TRPM3: variants seen among roughly 807,000 people sequenced by gnomAD.
TRPM3 encodes the protein long transient receptor potential channel 3.
A neutral mutation model predicts 181.2 loss-of-function variants in TRPM3; 77 were observed. That is an observed-to-expected ratio of 0.42 (90% CI 0.35 to 0.51). The LOEUF (loss-of-function observed/expected upper bound fraction) is 0.51. Ranked by LOEUF, TRPM3 falls within the 20% of genes least tolerant of loss-of-function variation. The probability of loss-of-function intolerance (pLI) is 0.01; values close to 1 mark genes in which losing one functional copy is unlikely to be tolerated. For synonymous variants in TRPM3, 745 were observed against 796.4 expected (o/e 0.94, Z 1.09); for missense variants, 1,759 against 2,196.7 (o/e 0.80, Z 3.98).
chr9:71,190,005 T>C (rs1295472088), intron 1 of TRPM3, among the ~76,000 whole-genome samples: 3 of 151,896 alleles, frequency 2.0e-5, no homozygotes, highest in Admixed American at 1.3e-4. Flanking sequence ...AGAGGATTTG[T>C]TCTTGTTATC....
intron 22 of TRPM3, among the ~76,000 whole-genome samples, chr9:70,576,479 T>TCC (rs2053964487): frequency 1.3e-5 from 2 of 149,986 alleles, no homozygotes; most frequent in African/African-American, 5.0e-5. Flanking sequence ...CTTCTTCTTC[T>TCC]TCTCCTCCTC....
At chr9:70,951,539 A>G (rs1445744819) in intron 1 of TRPM3, among the ~76,000 whole-genome samples, 1 of 152,112 alleles carries the variant, frequency 6.6e-6, no homozygotes, top group Non-Finnish European at 1.5e-5. Context: ...ACGCGGTTTC[A>G]TCATGTTAGC....
At chr9:71,377,886 G>A (rs1422746889) in intron 1 of TRPM3, among the ~76,000 whole-genome samples, 1 of 151,980 alleles carries the variant, frequency 6.6e-6, no homozygotes, top group Non-Finnish European at 1.5e-5. Flanking sequence ...TGGGAACCAT[G>A]TATGGTTTTT....
chr9:70,867,801 A>G (rs1056199599), intron 1 of TRPM3, among the ~76,000 whole-genome samples: 1 of 152,090 alleles, frequency 6.6e-6, no homozygotes, highest in Non-Finnish European at 1.5e-5. Flanking sequence ...TAGTGTGAAC[A>G]TCATATATTA....
At chr9:70,862,698 A>G (rs1339693500) in intron 3 of TRPM3, among the ~76,000 whole-genome samples, 2 of 152,180 alleles carry the variant, frequency 1.3e-5, no homozygotes, top group African/African-American at 4.8e-5. Context: ...AATTACTTTA[A>G]AAATCCCAGG....
intron 6 of TRPM3, among the ~76,000 whole-genome samples, chr9:70,794,870 A>C (rs1395454546): frequency 6.6e-6 from 1 of 152,206 alleles, no homozygotes; most frequent in African/African-American, 2.4e-5. Context: ...TTGATACATA[A>C]AAAGTATACA....
chr9:70,675,655 C>A (rs1412455220), intron 9 of TRPM3, among the ~76,000 whole-genome samples: 5 of 152,048 alleles, frequency 3.3e-5, no homozygotes, highest in Non-Finnish European at 7.3e-5. Context: ...CTTAAATACC[C>A]CAGTGATATT....
At chr9:71,346,085 T>G (rs1046420167) in intron 1 of TRPM3, among the ~76,000 whole-genome samples, 2 of 152,244 alleles carry the variant, frequency 1.3e-5, no homozygotes, top group African/African-American at 4.8e-5. Context: ...TACAAGAATA[T>G]TCATAGCAGT....
intron 1 of TRPM3, among the ~76,000 whole-genome samples, chr9:71,033,694 A>C (rs2057822417): frequency 6.6e-6 from 1 of 152,206 alleles, no homozygotes; most frequent in Non-Finnish European, 1.5e-5. Context: ...ACAAGAACCA[A>C]TATGGCAGGC....
At chr9:70,979,528 T>C (rs1337655036) in intron 1 of TRPM3, among the ~76,000 whole-genome samples, 1 of 152,180 alleles carries the variant, frequency 6.6e-6, no homozygotes, top group Admixed American at 6.5e-5. Flanking sequence ...TTACTGGTAT[T>C]TATTAGATAC....
At chr9:71,217,169 C>T (rs1035868285) in intron 1 of TRPM3, among the ~76,000 whole-genome samples, 1 of 151,618 alleles carries the variant, frequency 6.6e-6, no homozygotes, top group South Asian at 2.1e-4. Context: ...CCAGGATGGT[C>T]TCGATCTCCT....
intron 1 of TRPM3, among the ~76,000 whole-genome samples, chr9:71,142,203 T>C (rs1006668716): frequency 6.6e-6 from 1 of 152,216 alleles, no homozygotes; most frequent in Non-Finnish European, 1.5e-5. Flanking sequence ...TCTGGTTTCC[T>C]ATTTCTCAAG....
intron 1 of TRPM3, among the ~76,000 whole-genome samples, chr9:71,019,276 A>G (rs2097820671): frequency 6.6e-6 from 1 of 151,966 alleles, no homozygotes; most frequent in African/African-American, 2.4e-5. Flanking sequence ...ATAAAATAAT[A>G]AAATTAAAAG....
At chr9:71,004,461 G>A (rs373878737) in intron 1 of TRPM3, among the ~76,000 whole-genome samples, 3 of 152,252 alleles carry the variant, frequency 2.0e-5, no homozygotes, top group Admixed American at 2.0e-4. Context: ...TTAAGCTCCA[G>A]TGTTAAGTAG....
intron 8 of TRPM3, among the ~76,000 whole-genome samples, chr9:70,753,738 G>A (rs2076586605): frequency 6.6e-6 from 1 of 152,134 alleles, no homozygotes; most frequent in Non-Finnish European, 1.5e-5. Flanking sequence ...GGGGGAGGTA[G>A]GGCAGTTATC....
intron 1 of TRPM3, among the ~76,000 whole-genome samples, chr9:71,291,446 A>G (rs553650439): frequency 1.2e-4 from 18 of 152,270 alleles, no homozygotes; most frequent in African/African-American, 4.3e-4. Context: ...ACATTGCCTG[A>G]TTCATGAATT....
intron 1 of TRPM3, among the ~76,000 whole-genome samples, chr9:71,249,715 G>A (rs1049515514): frequency 1.3e-5 from 2 of 152,034 alleles, no homozygotes; most frequent in African/African-American, 4.8e-5. Flanking sequence ...TTTTTCAAAG[G>A]AATGTCCCAA....
intron 1 of TRPM3, among the ~76,000 whole-genome samples, chr9:71,300,063 C>A (rs2086636793): frequency 6.6e-6 from 1 of 152,094 alleles, no homozygotes; most frequent in African/African-American, 2.4e-5. Flanking sequence ...TGACAATTAT[C>A]TCTGTGCTTG....
intron 19 of TRPM3, among the ~76,000 whole-genome samples, chr9:70,607,140 G>T (rs189566102): frequency 1.3e-4 from 20 of 152,302 alleles, no homozygotes; most frequent in African/African-American, 4.8e-4. Context: ...TGGACCAGAA[G>T]AGGACCCAAT....
Sources: gnomAD v4.1 joint callset for allele counts (sites outside exome capture counted in the v4.1 genomes callset) on GRCh38, gnomAD v4.1.1 for gene constraint, MANE v1.5 for transcripts, NCBI Gene and HGNC (gene_info 2026-07-23, HGNC 2026-07-21) for gene names.